The following FOCAD variants were observed in gnomAD, a reference collection of about 807,000 sequenced individuals.
The protein encoded by FOCAD is focadhesin, also known as KIAA1797.
In FOCAD, 198 loss-of-function variants were observed where a neutral mutation model predicts 225.6. That is an observed-to-expected ratio of 0.88 (90% CI 0.78 to 0.99). The LOEUF is 0.99. FOCAD is among the 50% of genes least tolerant of loss of function. The pLI is 0.00. For missense variants in FOCAD, 2,713 were observed against 2,123.6 expected (o/e 1.28, Z -5.46); for synonymous variants, 897 against 755.0 (o/e 1.19, Z -3.08).
intron 2 of FOCAD, among the ~76,000 whole-genome samples, chr9:20,672,186 T>C (rs1011856057): frequency 9.2e-5 from 14 of 152,200 alleles, no homozygotes; most frequent in Admixed American, 2.6e-4. Flanking sequence ...TGCTGGCATA[T>C]TGCAGTTTTT....
At chr9:20,700,868 AT>A (rs1479757689) in intron 1 of FOCAD, among the ~76,000 whole-genome samples, 1 of 152,234 alleles carries the variant, frequency 6.6e-6, no homozygotes, top group Non-Finnish European at 1.5e-5. Flanking sequence ...TTAACTGCTT[AT>A]TCCATGCCAG....
chr9:20,781,396 T>C (rs1483582208), intron 9 of FOCAD, among the ~76,000 whole-genome samples: 1 of 152,238 alleles, frequency 6.6e-6, no homozygotes, highest in African/African-American at 2.4e-5. Flanking sequence ...CCAGGAATTC[T>C]TGGTCTCTTA....
chr9:20,720,660 T>C (rs1345870399), intron 4 of FOCAD, 126 bp downstream of exon 4: 70 of 886,716 alleles, frequency 7.9e-5, no homozygotes, highest in Non-Finnish European at 1.1e-4. Context: ...TAAAATGTCA[T>C]GAGTTGCTGT....
At chr9:20,975,330 G>A (rs1325195128) in intron 35 of FOCAD, among the ~76,000 whole-genome samples, 1 of 152,060 alleles carries the variant, frequency 6.6e-6, no homozygotes, top group East Asian at 1.9e-4. Flanking sequence ...CTTTAAATAG[G>A]AATATAATAT....
At chr9:20,763,721 G>T (rs894504016) in intron 6 of FOCAD, among the ~76,000 whole-genome samples, 1 of 152,164 alleles carries the variant, frequency 6.6e-6, no homozygotes, top group Non-Finnish European at 1.5e-5. Flanking sequence ...TGGTTTAGTG[G>T]TGAATGAAGA....
chr9:20,846,829 G>A (rs1827161664), intron 15 of FOCAD, among the ~76,000 whole-genome samples: 1 of 152,124 alleles, frequency 6.6e-6, no homozygotes. Context: ...CTGATGCCAA[G>A]AGAAGACATT....
At chr9:20,945,840 T>A (rs1361714492) in intron 29 of FOCAD, among the ~76,000 whole-genome samples, 2 of 152,216 alleles carry the variant, frequency 1.3e-5, no homozygotes, top group Non-Finnish European at 2.9e-5. Flanking sequence ...TCATGCCATA[T>A]CAACCAGTGC....
chr9:20,970,484 T>C (rs1049988857), intron 35 of FOCAD, among the ~76,000 whole-genome samples: 1 of 152,136 alleles, frequency 6.6e-6, no homozygotes, highest in Non-Finnish European at 1.5e-5. Context: ...GAGTTTTTCA[T>C]TGCAGTTACT....
At chr9:20,972,469 G>C (rs1839850112) in intron 35 of FOCAD, among the ~76,000 whole-genome samples, 1 of 151,456 alleles carries the variant, frequency 6.6e-6, no homozygotes. Flanking sequence ...TAAGTTCTTT[G>C]CCCATTTTTA....
intron 11 of FOCAD, among the ~76,000 whole-genome samples, chr9:20,789,861 G>A (rs146421794): frequency 2.4e-3 from 371 of 151,810 alleles, no homozygotes; most frequent in Middle Eastern, 0.01. Context: ...GTGCTATTCT[G>A]GTTCTTCCAA....
chr9:20,758,059 A>G, intron 5 of FOCAD, 31 bp from the exon 6 acceptor site: 1 of 1,478,234 alleles, frequency 6.8e-7, no homozygotes, highest in Non-Finnish European at 9.3e-7. Context: ...CCTGAATAAC[A>G]GGTTCCCATG....
chr9:20,706,281 G>A (rs765468247), intron 1 of FOCAD, among the ~76,000 whole-genome samples: 9 of 151,986 alleles, frequency 5.9e-5, no homozygotes, highest in Non-Finnish European at 1.3e-4. Flanking sequence ...TTCCTGGACA[G>A]CAATCAGTTC....
In FOCAD at chr9:20,740,299, A is replaced by G. The variant is rs539557710; in HGVS notation, c.351A>G (p.Gly117=). ...HLLQMQALKE[G]QGGEKNIQSI... is the part of the protein sequence containing the mutation. ...TACAAATGCAAGCTCTTAAGGAAGG[A>G]CAAGGTGGGGAAAAGAATATTCAGA... Residue 117 remains glycine (G), a synonymous_variant, in exon 5 of 44, where the codon GGA becomes GGG. Coordinates refer to ENST00000338382, the MANE Select transcript of FOCAD (RefSeq NM_001375567.1). 4 of 1,612,228 alleles carry G rather than the reference A, an allele frequency of 2.5e-6. No individual in the cohort carries two copies. In the African/African-American group the frequency reaches 4.0e-5, roughly 16 times the overall value.
rs771055520 is a variant in FOCAD, at chr9:20,765,030, A to G, written c.656A>G (p.Gln219Arg). Residue 219 changes from glutamine (Q) to arginine (R), a missense_variant, in exon 7 of 44, where the codon CAG becomes CGG. Physicochemically the swap from Gln to Arg is conservative, Grantham distance 43. Coordinates refer to ENST00000338382, the MANE Select transcript of FOCAD (RefSeq NM_001375567.1). ...AAAGATCAACCATCAATACTGGAAC[A>G]GCAGATACTTCAACTGTGTTGTGAC... ...CDKDQPSILEQQILQLCCDIV... is the reference protein window; with the variant it reads ...CDKDQPSILERQILQLCCDIV... 6 of 1,614,008 alleles carry G rather than the reference A, an allele frequency of 3.7e-6. No individual in the cohort carries two copies. Among genetic ancestry groups the G allele is most frequent in the Non-Finnish European group, 4.2e-6 (5 of 1,180,004 alleles).
intron 4 of FOCAD, among the ~76,000 whole-genome samples, chr9:20,733,175 A>G (rs1415100071): frequency 1.3e-5 from 2 of 152,234 alleles, no homozygotes; most frequent in South Asian, 4.1e-4. Flanking sequence ...TCTAAAGTCT[A>G]ATTCCAGTCC....
intron 28 of FOCAD, among the ~76,000 whole-genome samples, chr9:20,939,574 G>C (rs1052815076): frequency 6.6e-6 from 1 of 152,090 alleles, no homozygotes; most frequent in Non-Finnish European, 1.5e-5. Flanking sequence ...CCACCATACA[G>C]ATACTGAGGT....
chr9:20,669,735 A>G lies in FOCAD; in HGVS notation c.-78+10909A>G, dbSNP rs571176573. Among the ~76,000 whole-genome samples the G allele has an allele frequency of 5.5e-4, 84 of 152,276 alleles. 3 individuals carry two copies. In the South Asian group the frequency reaches 0.017, roughly 31 times the overall value. On this transcript the variant is annotated intron_variant, in intron 2 of 45. Transcript: ENST00000380249. Reference sequence around the variant, plus strand: ...GGTTGCAGTGATCCAAGATTGTGCCACTGCACTCCAGCCTGGGTGACAGAG... The same window carrying G: ...GGTTGCAGTGATCCAAGATTGTGCCGCTGCACTCCAGCCTGGGTGACAGAG...
At chr9:20,691,980 C>T (rs912379647) in intron 1 of FOCAD, among the ~76,000 whole-genome samples, 2 of 151,616 alleles carry the variant, frequency 1.3e-5, no homozygotes, top group Admixed American at 6.6e-5. Context: ...AGGCTGATCT[C>T]GAAAAATGAT....
At chr9:20,802,824 C>A (rs1235922057) in intron 11 of FOCAD, among the ~76,000 whole-genome samples, 1 of 152,092 alleles carries the variant, frequency 6.6e-6, no homozygotes, top group African/African-American at 2.4e-5. Flanking sequence ...TTTGAATTTG[C>A]TCATTTGCTT....
Sources: gnomAD v4.1 joint callset for allele counts (sites outside exome capture counted in the v4.1 genomes callset) on GRCh38, gnomAD v4.1.1 for gene constraint, MANE v1.5 for transcripts, NCBI Gene and HGNC (gene_info 2026-07-23, HGNC 2026-07-21) for gene names.